Variants in MGAM observed in about 807,000 individuals in gnomAD.
MGAM encodes maltase-glucoamylase, also known as alpha-1,4-glucosidase.
MGAM carries 253 observed loss-of-function variants against 358.8 expected under a neutral mutation model. That is an observed-to-expected ratio of 0.71 (90% CI 0.64 to 0.78). The LOEUF is 0.78. MGAM is among the 30% of genes least tolerant of loss of function. The pLI, the probability that MGAM is intolerant of heterozygous loss-of-function variation, is 0.00. For missense variants in MGAM, 3,080 were observed against 3,432.6 expected, an observed-to-expected ratio of 0.90 and a Z score of 2.57; for synonymous variants, 1,105 against 1,227.1, an observed-to-expected ratio of 0.90 and a Z score of 2.08.
chr7:142,068,673 C>T lies in MGAM; in HGVS notation c.5031C>T (p.Phe1677=). ...ERNARNVTAY[F]PRARWYDYYT... is the part of the protein sequence containing the mutation. ...ATGCCAGAAATGTCACTGCATATTT[C>T]CCTAGAGCCCGTTGGTACGATTACT... Residue 1677 remains phenylalanine, a synonymous_variant, in exon 43 of 71, where the codon TTC becomes TTT. Transcript: ENST00000475668. The T allele has an allele frequency of 1.3e-6, 2 of 1,539,154 alleles. No individual in the cohort carries two copies. The highest frequency in any genetic ancestry group is 1.8e-6 in the Non-Finnish European group (2 of 1,119,152).
At chr7:142,068,826 G>A in intron 43 of MGAM, 123 bp downstream of exon 43, 7 of 853,496 alleles carry the variant, frequency 8.2e-6, no homozygotes, top group East Asian at 2.8e-5. Context: ...TCTTAGAGAA[G>A]CCACTTTAAC....
At chr7:142,090,454 TC>T (rs768297216) in intron 57 of MGAM, among the ~76,000 whole-genome samples, 2 of 145,920 alleles carry the variant, frequency 1.4e-5, no homozygotes, top group Non-Finnish European at 3.1e-5. Flanking sequence ...TACCTCCATT[TC>T]CTAACAAAAG....
rs773131355 is a variant in MGAM at position 142,027,633 on chromosome 7, C to T, written c.1119C>T (p.Pro373=). 4.2e-5 allele frequency: 68 copies of T among 1,613,680 alleles called. No homozygotes were observed. The highest frequency in any genetic ancestry group is 5.7e-5 in the Non-Finnish European group (67 of 1,179,758). ...AGCTCATTGGGCGGCCAGCCCTTCCCTCCTACTGGGCGCTTGGATTTCACC... is the reference window on the plus strand; with the variant it reads ...AGCTCATTGGGCGGCCAGCCCTTCCTTCCTACTGGGCGCTTGGATTTCACC... ...YLELIGRPAL[P]SYWALGFHLS... is the part of the protein sequence containing the mutation. The change falls in exon 10 of 71, where the codon CCC becomes CCT. Residue 373 remains proline, a synonymous_variant. Transcript: ENST00000475668.
At chr7:142,055,824 A>G in intron 28 of MGAM, 98 bp downstream of exon 28, 1 of 1,567,720 alleles carries the variant, frequency 6.4e-7, no homozygotes, top group South Asian at 1.2e-5. Flanking sequence ...TGGTCATCAC[A>G]TTCTGCTTTT....
intron 8 of MGAM, among the ~76,000 whole-genome samples, chr7:142,026,601 G>A (rs1806996918): frequency 6.6e-6 from 1 of 152,110 alleles, no homozygotes; most frequent in Non-Finnish European, 1.5e-5. Flanking sequence ...TGGGCCCTTA[G>A]GAGAGTAGGT....
At chr7:142,098,989 GT>G (rs1353524055) in intron 66 of MGAM, among the ~76,000 whole-genome samples, 1 of 152,194 alleles carries the variant, frequency 6.6e-6, no homozygotes. Flanking sequence ...AAATCTGGTT[GT>G]TAGCTGATTT....
At chr7:142,021,492 G>T in intron 5 of MGAM, 94 bp from the exon 6 acceptor site, 1 of 1,261,884 alleles carries the variant, frequency 7.9e-7, no homozygotes, top group South Asian at 1.4e-5. Flanking sequence ...AGGTCAGTTT[G>T]ATCAGTGCCT....
At chr7:142,058,818 G>C (rs956521194) in intron 31 of MGAM, among the ~76,000 whole-genome samples, 1 of 152,186 alleles carries the variant, frequency 6.6e-6, no homozygotes, top group African/African-American at 2.4e-5. Flanking sequence ...CATACATATG[G>C]AAAGAAACCT....
chr7:142,102,663 G>C lies in MGAM; in HGVS notation c.7997G>C (p.Ser2666Thr). 6.2e-7 allele frequency: 1 copy of C among 1,613,378 alleles called. No individual in the cohort carries two copies. The highest frequency in any genetic ancestry group is 8.5e-7 in the Non-Finnish European group (1 of 1,179,612). ...TYGKGLYYLA[S>T]FSASQNTMQS... ...GGGAAAGGACTCTATTACTTGGCCAGCTTTTCTGCCAGCCAGGTGAGTGTG... is the reference window on the plus strand; with the variant it reads ...GGGAAAGGACTCTATTACTTGGCCACCTTTTCTGCCAGCCAGGTGAGTGTG... Residue 2666 changes from serine (S) to threonine (T), a missense_variant, in exon 69 of 71, where the codon AGC (serine) becomes ACC (threonine). Physicochemically the swap from Ser to Thr is moderately conservative, Grantham distance 58 (BLOSUM62 1). Coordinates refer to ENST00000475668, the MANE Select transcript of MGAM (RefSeq NM_001365693.1).
intron 2 of MGAM, among the ~76,000 whole-genome samples, chr7:141,987,094 T>C (rs889033702): frequency 4.6e-5 from 7 of 152,090 alleles, no homozygotes; most frequent in African/African-American, 1.7e-4. Context: ...CAGGGACCAT[T>C]TTGTCACATG....
chr7:142,030,248 CTA>C (rs1807350535), intron 10 of MGAM, 112 bp from the exon 11 acceptor site: 1 of 1,107,428 alleles, frequency 9.0e-7, no homozygotes, highest in African/African-American at 1.6e-5. Context: ...ATTAAGAACT[CTA>C]TTTAGAGCCC....
chr7:141,992,739 A>G (rs1036664754), upstream of MGAM, among the ~76,000 whole-genome samples: 4 of 151,790 alleles, frequency 2.6e-5, no homozygotes, highest in Admixed American at 2.6e-4. Context: ...GGACCACCAC[A>G]CTCAGCTGAT....
intron 2 of MGAM, among the ~76,000 whole-genome samples, chr7:141,989,167 A>C (rs1234301853): frequency 6.6e-6 from 1 of 151,460 alleles, no homozygotes; most frequent in Non-Finnish European, 1.5e-5. Context: ...AGAGTCTTGT[A>C]GTAGTGGTTT....
intron 34 of MGAM, among the ~76,000 whole-genome samples, chr7:142,061,282 TATTCTA>T (rs1441233018): frequency 6.6e-6 from 1 of 152,154 alleles, no homozygotes; most frequent in Non-Finnish European, 1.5e-5. Context: ...ATAATCTCTT[TATTCTA>T]ATTCTCCATC....
At chr7:142,017,127 A>C (rs1333625484) in intron 3 of MGAM, among the ~76,000 whole-genome samples, 1 of 151,984 alleles carries the variant, frequency 6.6e-6, no homozygotes, top group African/African-American at 2.4e-5. Context: ...CTACTCCTTC[A>C]TAAACATGTC....
At chr7:142,059,016 C>T (rs1811829545) in intron 31 of MGAM, among the ~76,000 whole-genome samples, 1 of 152,178 alleles carries the variant, frequency 6.6e-6, no homozygotes, top group South Asian at 2.1e-4. Context: ...TATGATTACC[C>T]TCAAGATTCG....
At position 142,093,599 on chromosome 7, in the gene MGAM, C is replaced by T. The variant is rs953830984; in HGVS notation, c.7172+49C>T. 101 of 1,458,754 alleles carry T rather than the reference C, an allele frequency of 6.9e-5. 16 individuals are homozygous for T. Among genetic ancestry groups the T allele is most frequent in the Non-Finnish European group, 8.8e-5 (94 of 1,072,342 alleles). 90.4% of individuals were successfully genotyped at this position (1,458,754 alleles called of 1,614,324 possible). A position where few individuals can be genotyped will look rare whatever the true frequency, so the allele number is the denominator to read the frequency against. On this transcript the variant is annotated intron_variant, in intron 60 of 70. Coordinates refer to ENST00000475668, the MANE Select transcript of MGAM (RefSeq NM_001365693.1). Reference sequence around the variant, plus strand: ...AGCTGTCACAACCTGTAGGGATTGCCAGTGACTGACATAGCTACCCTACTT... The same window carrying T: ...AGCTGTCACAACCTGTAGGGATTGCTAGTGACTGACATAGCTACCCTACTT...
intron 66 of MGAM, 21 bp from the exon 67 acceptor site, chr7:142,099,592 C>T (rs1160719864): frequency 5.0e-6 from 8 of 1,613,784 alleles, no homozygotes; most frequent in Middle Eastern, 1.7e-4. Context: ...TTAGTCATCT[C>T]TTACCTTCTT....
intron 3 of MGAM, among the ~76,000 whole-genome samples, chr7:142,009,730 C>T (rs1048799704): frequency 2.0e-5 from 3 of 150,210 alleles, no homozygotes; most frequent in African/African-American, 7.6e-5. Flanking sequence ...TCCTTTTTTG[C>T]TCAGCCAGAG....
Sources: gnomAD v4.1 joint callset for allele counts (sites outside exome capture counted in the v4.1 genomes callset) on GRCh38, gnomAD v4.1.1 for gene constraint, MANE v1.5 for transcripts, NCBI Gene and HGNC (gene_info 2026-07-23, HGNC 2026-07-21) for gene names.